Variants in RDH11 observed in about 807,000 individuals in gnomAD.
RDH11 encodes the protein retinol dehydrogenase 11.
In RDH11, 19 loss-of-function variants were observed where a neutral mutation model predicts 33.4. The observed-to-expected ratio is 0.57, with a 90% CI of 0.40 to 0.83. The LOEUF (loss-of-function observed/expected upper bound fraction) is 0.83, where lower values mean the gene tolerates loss of function less well. Ranked by LOEUF, RDH11 falls within the 40% of genes least tolerant of loss-of-function variation. RDH11 has a pLI of 0.00. For synonymous variants in RDH11, 154 were observed against 155.3 expected (o/e 0.99, Z 0.06); for missense variants, 353 against 389.0 (o/e 0.91, Z 0.78).
chr14:67,681,235 G>A (rs189686372), intron 6 of RDH11, among the ~76,000 whole-genome samples: 17 of 152,304 alleles, frequency 1.1e-4, no homozygotes, highest in Admixed American at 2.6e-4. Flanking sequence ...AGTCAGGAAG[G>A]CAGGCCTCAC....
intron 4 of RDH11, 101 bp from the exon 5 acceptor site, chr14:67,690,522 T>C (rs746870895): frequency 1.1e-6 from 1 of 950,594 alleles, no homozygotes; most frequent in Non-Finnish European, 1.6e-6. Context: ...AATTCAGAAA[T>C]AAGGTCTTTC....
intron 5 of RDH11, among the ~76,000 whole-genome samples, chr14:67,688,613 T>C (rs1051732604): frequency 6.6e-5 from 10 of 151,702 alleles, no homozygotes; most frequent in Non-Finnish European, 1.2e-4. Flanking sequence ...TTTTTTTTTT[T>C]TGGTAGAGGA....
At chr14:67,681,567 A>C (rs1190272661) in intron 6 of RDH11, among the ~76,000 whole-genome samples, 2 of 152,176 alleles carry the variant, frequency 1.3e-5, no homozygotes, top group African/African-American at 2.4e-5. Flanking sequence ...GGATCACTTG[A>C]AGTCAGGAGT....
intron 6 of RDH11, among the ~76,000 whole-genome samples, chr14:67,681,705 C>T (rs755883028): frequency 1.1e-4 from 16 of 152,180 alleles, no homozygotes; most frequent in Non-Finnish European, 1.8e-4. Flanking sequence ...TTGCTTGAAC[C>T]CAGGAGGCGG....
At position 67,695,615 on chromosome 14, in the gene RDH11, T is replaced by C. The variant is rs1368848901; in HGVS notation, c.74+15A>G. 2.5e-6 allele frequency: 4 copies of C among 1,606,426 alleles called. No individual in the cohort carries two copies. The highest frequency in any genetic ancestry group is 3.4e-6 in the Non-Finnish European group (4 of 1,176,442). ...AACAAGAATTCTCAAGAGAAGGCAA[T>C]ACATTTGCACAGACCTGATTTGGGG... On this transcript the variant is annotated intron_variant, in intron 1 of 6. Coordinates refer to ENST00000381346, the MANE Select transcript of RDH11 (RefSeq NM_016026.4).
At chr14:67,682,812 T>A (rs1444316907) in intron 6 of RDH11, among the ~76,000 whole-genome samples, 1 of 152,186 alleles carries the variant, frequency 6.6e-6, no homozygotes, top group African/African-American at 2.4e-5. Context: ...TTCAAATAGC[T>A]AAAAAGTGCA....
In RDH11 at chr14:67,677,590, C is replaced by T. The variant is rs1262504322; in HGVS notation, c.*731G>A. On this transcript the variant is annotated 3_prime_UTR_variant, in exon 7 of 7. Coordinates refer to ENST00000381346, the MANE Select transcript of RDH11 (RefSeq NM_016026.4). ...TCTCCTTCTCTTTTTTTACTTCTTC[C>T]CTGCTACCCATGTGCTCTTGGTGGG... 1 of 151,252 alleles carries T rather than the reference C, an allele frequency of 6.6e-6. No individual in the cohort carries two copies. Among genetic ancestry groups the T allele is most frequent in the Admixed American group, 6.6e-5 (1 of 15,204 alleles). 9.4% of individuals were successfully genotyped at this position (151,252 alleles called of 1,614,324 possible).
chr14:67,691,296 T>C, intron 3 of RDH11, 52 bp from the exon 4 acceptor site: 1 of 1,290,344 alleles, frequency 7.7e-7, no homozygotes, highest in Non-Finnish European at 1.1e-6. Flanking sequence ...GGCTATTACA[T>C]CTTAGAAAGC....
Position 67,693,784 on chromosome 14 carries a change from A to C in RDH11, c.75-732T>G, listed in dbSNP as rs550145305. 4.7e-5 allele frequency among the ~76,000 whole-genome samples: 7 copies of C among 148,686 alleles called. 1 individual carries two copies. Among genetic ancestry groups the C allele is most frequent in the Non-Finnish European group, 1.0e-4 (7 of 67,212 alleles). ...CAGGTTCAAGCGATTCTCATCCCTC[A>C]CCCCCTCACCCATGCGCCACCACGC... On this transcript the variant is annotated intron_variant, in intron 1 of 6. Transcript: ENST00000381346.
rs17849266 is a variant in RDH11 at position 67,690,306 on chromosome 14, C to A, written c.570G>T (p.Leu190=). The A allele has an allele frequency of 3.1e-6, 5 of 1,614,160 alleles. No homozygotes were observed. Among genetic ancestry groups the A allele is most frequent in the Non-Finnish European group, 4.2e-6 (5 of 1,180,020 alleles). The part of the protein sequence containing the change: ...HHLGRIHFHN[L]QGEKFYNAGL... ...CTGCATTGTAGAATTTCTCGCCCTG[C>A]AGGTTATGGAAGTGGATCCTTCCCA... Residue 190 remains leucine, a synonymous_variant, in exon 5 of 7, where the codon CTG becomes CTT. Transcript: ENST00000381346.
chr14:67,692,625 A>C, intron 2 of RDH11, 32 bp from the exon 3 acceptor site: 1 of 1,519,092 alleles, frequency 6.6e-7, no homozygotes, highest in Non-Finnish European at 8.8e-7. Flanking sequence ...AGAAATGGTC[A>C]GCTCTGTTTT....
chr14:67,680,345 C>T (rs2140054342), intron 6 of RDH11, among the ~76,000 whole-genome samples: 1 of 152,326 alleles, frequency 6.6e-6, no homozygotes. Flanking sequence ...TTGTAAGCCT[C>T]TGCATCCTCC....
intron 1 of RDH11, 97 bp downstream of exon 1, chr14:67,695,533 C>G: frequency 8.0e-7 from 1 of 1,255,578 alleles, no homozygotes. Flanking sequence ...GGAGCCCCCC[C>G]AGGGGAGTTT....
chr14:67,679,567 C>G (rs906092628), intron 6 of RDH11, among the ~76,000 whole-genome samples: 12 of 152,258 alleles, frequency 7.9e-5, no homozygotes, highest in African/African-American at 2.6e-4. Context: ...CCATGACTGG[C>G]TAATTTTTGT....
chr14:67,692,513 G>GGTTCC lies in RDH11; in HGVS notation c.269_273dup (p.Gln92GlyfsTer26), dbSNP rs1246355430. 6.2e-7 allele frequency: 1 copy of GGTTCC among 1,613,688 alleles called. No individual in the cohort carries two copies. ...TCCAGTTTCCGCACCAACACCTGCT[G>GGTTCC]GTTCCCTGTCGTGGTCTGGATCTCT... On this transcript the variant is annotated frameshift_variant, in exon 3 of 7. Transcript: ENST00000381346. LOFTEE classifies it high-confidence loss of function.
At chr14:67,695,431 T>C (rs1054549288) in intron 1 of RDH11, among the ~76,000 whole-genome samples, 199 bp downstream of exon 1, 3 of 152,080 alleles carry the variant, frequency 2.0e-5, no homozygotes, top group East Asian at 1.9e-4. Flanking sequence ...ACTGCCGCCC[T>C]TTCTCACCGC....
intron 1 of RDH11, among the ~76,000 whole-genome samples, chr14:67,694,781 G>C (rs1480315573): frequency 2.6e-5 from 4 of 152,146 alleles, no homozygotes; most frequent in Non-Finnish European, 4.4e-5. Flanking sequence ...AGGTGACTGT[G>C]GTAAGAAATG....
chr14:67,689,649 AAAGTT>A (rs1426539759), intron 5 of RDH11, among the ~76,000 whole-genome samples: 1 of 152,206 alleles, frequency 6.6e-6, no homozygotes, highest in Non-Finnish European at 1.5e-5. Context: ...GGAAGTCCTA[AAAGTT>A]AAGTAATGGC....
chr14:67,694,445 T>TAC (rs1225281320), intron 1 of RDH11, among the ~76,000 whole-genome samples: 14 of 139,362 alleles, frequency 1.0e-4, no homozygotes, highest in Non-Finnish European at 1.9e-4. Context: ...TATATATATA[T>TAC]ATATATACAC....
Sources: gnomAD v4.1 joint callset for allele counts (sites outside exome capture counted in the v4.1 genomes callset) on GRCh38, gnomAD v4.1.1 for gene constraint, MANE v1.5 for transcripts, NCBI Gene and HGNC (gene_info 2026-07-23, HGNC 2026-07-21) for gene names.